Variants in TENM3 observed in about 807,000 individuals in gnomAD.
The protein encoded by TENM3 is teneurin-3.
In TENM3, 63 loss-of-function variants were observed where a neutral mutation model predicts 255.1. That is an observed-to-expected ratio of 0.25 (90% CI 0.20 to 0.30). The LOEUF (loss-of-function observed/expected upper bound fraction) is 0.30, where lower values mean the gene tolerates loss of function less well. Among genes scored for constraint, TENM3 ranks in the 10% least tolerant of loss-of-function variants. The probability of loss-of-function intolerance (pLI) is 1.00; values close to 1 mark genes in which losing one functional copy is unlikely to be tolerated. For missense variants in TENM3, 2,929 were observed against 3,461.1 expected (o/e 0.85, Z 3.86); for synonymous variants, 1,306 against 1,322.3 (o/e 0.99, Z 0.27).
the TENM3 span, among the ~76,000 whole-genome samples, chr4:181,890,002 G>A: frequency 6.6e-6 from 1 of 152,152 alleles, no homozygotes; most frequent in South Asian, 2.1e-4. Context: ...TGCTAATCAA[G>A]AGAAGTCTTC....
At chr4:182,145,780 G>A (rs562868104) in intron 1 of TENM3, among the ~76,000 whole-genome samples, 16 of 152,210 alleles carry the variant, frequency 1.1e-4, no homozygotes, top group Middle Eastern at 6.4e-3. Context: ...TGGGATGCCC[G>A]AGAACAGGAC....
the TENM3 span, among the ~76,000 whole-genome samples, chr4:181,893,952 A>G: frequency 6.6e-6 from 1 of 152,170 alleles, no homozygotes; most frequent in Non-Finnish European, 1.5e-5. Context: ...ATAAACAAAC[A>G]TCAAACATAA....
At chr4:182,580,748 C>G (rs928769362) in intron 3 of TENM3, among the ~76,000 whole-genome samples, 1 of 152,142 alleles carries the variant, frequency 6.6e-6, no homozygotes, top group Non-Finnish European at 1.5e-5. Flanking sequence ...TTACTGCTAA[C>G]CCTGATGGGT....
intron 1 of TENM3, among the ~76,000 whole-genome samples, chr4:182,292,134 C>T (rs1324817416): frequency 1.3e-5 from 2 of 152,146 alleles, no homozygotes; most frequent in South Asian, 2.1e-4. Context: ...CAATTTGGCA[C>T]TGCTATATTT....
At chr4:181,637,763 T>C in the TENM3 span, among the ~76,000 whole-genome samples, 1 of 152,228 alleles carries the variant, frequency 6.6e-6, no homozygotes, top group African/African-American at 2.4e-5. Context: ...TACTCATTTA[T>C]TGTTTTGTTG....
At chr4:181,792,193 T>C in the TENM3 span, among the ~76,000 whole-genome samples, 4 of 152,236 alleles carry the variant, frequency 2.6e-5, no homozygotes, top group Non-Finnish European at 5.9e-5. Flanking sequence ...GTGATTTTTC[T>C]CTTAAAATTG....
the TENM3 span, among the ~76,000 whole-genome samples, chr4:181,608,230 A>C: frequency 5.3e-5 from 8 of 152,232 alleles, no homozygotes; most frequent in Admixed American, 1.3e-4. Context: ...AACAATTTAG[A>C]GAAATTTGCA....
chr4:181,770,513 A>G, the TENM3 span, among the ~76,000 whole-genome samples: 1 of 152,012 alleles, frequency 6.6e-6, no homozygotes, highest in Non-Finnish European at 1.5e-5. Context: ...TCTCTACTAA[A>G]AATGCAAATA....
the TENM3 span, among the ~76,000 whole-genome samples, chr4:182,122,457 G>T: frequency 2.0e-5 from 3 of 152,214 alleles, no homozygotes; most frequent in Non-Finnish European, 1.5e-5. Flanking sequence ...CTGCAGAATG[G>T]ATGTGGTATT....
chr4:182,044,329 G>A, the TENM3 span, among the ~76,000 whole-genome samples: 2 of 152,224 alleles, frequency 1.3e-5, no homozygotes, highest in Non-Finnish European at 2.9e-5. Context: ...GATGTCTTGA[G>A]TGTGCCTGTC....
chr4:182,183,942 C>T (rs953430745), intron 1 of TENM3, among the ~76,000 whole-genome samples: 4 of 152,008 alleles, frequency 2.6e-5, no homozygotes, highest in Admixed American at 6.6e-5. Flanking sequence ...CTACAAGTGG[C>T]CTTTTCTACA....
At chr4:182,605,194 C>A (rs567639497) in intron 4 of TENM3, among the ~76,000 whole-genome samples, 2 of 152,152 alleles carry the variant, frequency 1.3e-5, no homozygotes, top group East Asian at 3.9e-4. Context: ...AATAAACTAC[C>A]ATTAGTGAGG....
the TENM3 span, among the ~76,000 whole-genome samples, chr4:181,614,058 T>C: frequency 2.0e-5 from 3 of 151,956 alleles, no homozygotes; most frequent in African/African-American, 7.2e-5. Context: ...TAACATACAA[T>C]GGAGCTATTA....
At chr4:182,184,761 A>G (rs1277251741) in intron 1 of TENM3, among the ~76,000 whole-genome samples, 2 of 151,940 alleles carry the variant, frequency 1.3e-5, no homozygotes, top group Non-Finnish European at 2.9e-5. Context: ...TTCTTTCTTG[A>G]GCTAAAATTA....
the TENM3 span, among the ~76,000 whole-genome samples, chr4:181,574,411 GTCC>G: frequency 6.6e-6 from 1 of 151,650 alleles, no homozygotes; most frequent in Non-Finnish European, 1.5e-5. Flanking sequence ...GGCGCCTGTA[GTCC>G]CAGCTACTCG....
chr4:181,696,475 T>C, the TENM3 span, among the ~76,000 whole-genome samples: 5 of 152,194 alleles, frequency 3.3e-5, no homozygotes, highest in African/African-American at 1.2e-4. Flanking sequence ...ATAAACGTAT[T>C]AACATGAAAC....
chr4:182,770,063 G>T (rs1178785838), intron 22 of TENM3, among the ~76,000 whole-genome samples: 1 of 148,686 alleles, frequency 6.7e-6, no homozygotes, highest in Non-Finnish European at 1.5e-5. Flanking sequence ...CCGAGATCAT[G>T]CCACTGCATT....
In TENM3 at chr4:182,405,476, T is replaced by C. The variant is rs373422184; in HGVS notation, c.511+58547T>C. 2.0e-5 allele frequency among the ~76,000 whole-genome samples: 3 copies of C among 152,336 alleles called. No individual in the cohort carries two copies. The East Asian group carries it at 5.8e-4, about 29-fold the overall frequency. ...GCTAGACACTAAAGGAGATGACAAATGGATAGTACCCATCATCTGTATCCT... is the reference window on the plus strand; with the variant it reads ...GCTAGACACTAAAGGAGATGACAAACGGATAGTACCCATCATCTGTATCCT... On this transcript the variant is annotated intron_variant, in intron 3 of 27. Coordinates refer to ENST00000511685, the MANE Select transcript of TENM3 (RefSeq NM_001080477.4).
the TENM3 span, among the ~76,000 whole-genome samples, chr4:181,987,024 A>G: frequency 6.6e-6 from 1 of 152,080 alleles, no homozygotes; most frequent in Non-Finnish European, 1.5e-5. Context: ...ATTCTAATAT[A>G]TCTTCCTTGA....
Sources: allele counts gnomAD v4.1 joint callset (sites outside exome capture counted in the v4.1 genomes callset), GRCh38; gene constraint gnomAD v4.1.1; transcripts MANE v1.5; gene names NCBI Gene and HGNC (gene_info 2026-07-23, HGNC 2026-07-21).